The following PTPRQ variants were observed in gnomAD, a reference collection of about 807,000 sequenced individuals.
PTPRQ encodes the protein phosphatidylinositol phosphatase PTPRQ.
Under a neutral mutation model 246.0 loss-of-function variants are expected in PTPRQ, and 199 were observed. The observed-to-expected ratio is 0.81, with a 90% CI of 0.72 to 0.91. The LOEUF (loss-of-function observed/expected upper bound fraction) is 0.91, where lower values mean the gene tolerates loss of function less well. PTPRQ is among the 40% of genes least tolerant of loss of function. PTPRQ has a pLI of 0.00. For synonymous variants in PTPRQ, 869 were observed against 853.2 expected, an observed-to-expected ratio of 1.02 and a Z score of -0.32; for missense variants, 2,624 against 2,528.4, an observed-to-expected ratio of 1.04 and a Z score of -0.81.
At chr12:80,474,319 A>G (rs1893745663) in intron 8 of PTPRQ, among the ~76,000 whole-genome samples, 1 of 152,192 alleles carries the variant, frequency 6.6e-6, no homozygotes, top group Non-Finnish European at 1.5e-5. Flanking sequence ...TCTATCATCT[A>G]TTTAAAAAAT....
At chr12:80,641,620 C>T (rs142400074) in intron 35 of PTPRQ, among the ~76,000 whole-genome samples, 4 of 152,248 alleles carry the variant, frequency 2.6e-5, no homozygotes, top group African/African-American at 9.6e-5. Flanking sequence ...AATACATTTC[C>T]TTCAGAGGAC....
At chr12:80,594,528 G>A (rs929893228) in intron 26 of PTPRQ, among the ~76,000 whole-genome samples, 15 of 152,106 alleles carry the variant, frequency 9.9e-5, no homozygotes, top group African/African-American at 3.4e-4. Context: ...CTCTAGGCCC[G>A]AATATTGAAG....
intron 3 of PTPRQ, among the ~76,000 whole-genome samples, chr12:80,450,178 T>G (rs1459840141): frequency 6.6e-6 from 1 of 152,118 alleles, no homozygotes; most frequent in Non-Finnish European, 1.5e-5. Flanking sequence ...GCTCTCTGTT[T>G]GTCTGTTATT....
At chr12:80,604,921 C>A in intron 26 of PTPRQ, 138 bp from the exon 27 acceptor site, 1 of 898,328 alleles carries the variant, frequency 1.1e-6, no homozygotes, top group Non-Finnish European at 1.5e-6. Flanking sequence ...ATGCCTTTAG[C>A]ACTCTGTGAA....
At chr12:80,506,790 G>A (rs989515143) in intron 16 of PTPRQ, 120 bp downstream of exon 16, 5 of 701,742 alleles carry the variant, frequency 7.1e-6, no homozygotes, top group Non-Finnish European at 1.1e-5. Flanking sequence ...TACCATACCA[G>A]CGTTATACAG....
At chr12:80,645,415 T>C (rs1478969792) in intron 35 of PTPRQ, among the ~76,000 whole-genome samples, 1 of 152,058 alleles carries the variant, frequency 6.6e-6, no homozygotes, top group Non-Finnish European at 1.5e-5. Context: ...AATTCAGATA[T>C]TCCCTCACAA....
chr12:80,620,478 T>C, intron 32 of PTPRQ, 102 bp downstream of exon 32: 1 of 1,481,868 alleles, frequency 6.7e-7, no homozygotes, highest in Admixed American at 2.4e-5. Context: ...AAGCACTGGA[T>C]GTCCGCCACG....
At position 80,591,120 on chromosome 12, in the gene PTPRQ, C is replaced by CTTT. The variant is rs757029945; in HGVS notation, c.4609+2689_4609+2691dup. On this transcript the variant is annotated intron_variant, in intron 26 of 44. Coordinates refer to ENST00000644991, the MANE Select transcript of PTPRQ (RefSeq NM_001145026.2). ...TGTTTAGGATCTGCCTTGATCATTG[C>CTTT]TTTTTTTTTTTTTTTTTTTTTTTGC... 5.5e-3 allele frequency among the ~76,000 whole-genome samples: 422 copies of CTTT among 77,380 alleles called. 3 individuals carry two copies. The highest frequency in any genetic ancestry group is 0.012 in the Middle Eastern group (1 of 84). 50.8% of individuals were successfully genotyped at this position (77,380 alleles called of 152,430 possible).
chr12:80,669,520 T>A, intron 41 of PTPRQ, 56 bp downstream of exon 41: 1 of 1,498,172 alleles, frequency 6.7e-7, no homozygotes, highest in Non-Finnish European at 8.9e-7. Flanking sequence ...TTGATCTAAA[T>A]GTCTAAAATA....
chr12:80,445,976 A>T, intron 3 of PTPRQ, among the ~76,000 whole-genome samples: 1 of 151,992 alleles, frequency 6.6e-6, no homozygotes. Flanking sequence ...ATTTATATAC[A>T]TGTATGAATA....
In PTPRQ at chr12:80,468,858, G is replaced by T. The variant is rs1341482140; in HGVS notation, c.1039+20G>T. 1 of 1,541,538 alleles carries T rather than the reference G, an allele frequency of 6.5e-7. No homozygotes were observed. On this transcript the variant is annotated intron_variant, in intron 7 of 44. Transcript: ENST00000644991. ...CATCAGGTAAGCCTTAATTGGTTTT[G>T]TGTTTGCCTTTTGGAGTGAGAATAA... is the stretch of plus-strand genomic sequence containing the variant.
intron 14 of PTPRQ, among the ~76,000 whole-genome samples, chr12:80,496,738 C>T (rs1053528499): frequency 2.6e-5 from 4 of 152,036 alleles, no homozygotes; most frequent in Non-Finnish European, 5.9e-5. Context: ...TATAAGGGAA[C>T]TTCTAATCAA....
chr12:80,677,138 G>A (rs555639096), intron 43 of PTPRQ, among the ~76,000 whole-genome samples: 2 of 152,064 alleles, frequency 1.3e-5, no homozygotes, highest in Admixed American at 6.6e-5. Flanking sequence ...GATGAAATCA[G>A]GACAGTCAGA....
intron 3 of PTPRQ, among the ~76,000 whole-genome samples, chr12:80,452,895 G>A (rs12816407): frequency 0.081 from 12,277 of 152,176 alleles, 596 homozygotes; most frequent in East Asian, 0.21. Context: ...TGTATTTCCT[G>A]AATGTGAATG....
At chr12:80,473,735 T>C (rs372720960) in intron 8 of PTPRQ, among the ~76,000 whole-genome samples, 2 of 152,250 alleles carry the variant, frequency 1.3e-5, no homozygotes, top group East Asian at 3.8e-4. Context: ...TGCCTTAATT[T>C]CTACATTTTT....
At chr12:80,541,486 C>T in intron 20 of PTPRQ, 69 bp from the exon 21 acceptor site, 1 of 1,260,746 alleles carries the variant, frequency 7.9e-7, no homozygotes, top group Non-Finnish European at 1.0e-6. Context: ...CAATTATACT[C>T]AGTTTGTGAA....
intron 8 of PTPRQ, among the ~76,000 whole-genome samples, chr12:80,478,536 C>T (rs145331674): frequency 0.03 from 4,592 of 152,248 alleles, 258 homozygotes; most frequent in African/African-American, 0.11. Context: ...CGGAGAACGA[C>T]TTTGACGAGC....
At chr12:80,626,314 G>A (rs977817970) in intron 33 of PTPRQ, among the ~76,000 whole-genome samples, 1 of 152,110 alleles carries the variant, frequency 6.6e-6, no homozygotes, top group African/African-American at 2.4e-5. Flanking sequence ...GAGATTGTGG[G>A]TTAGTTACTT....
intron 25 of PTPRQ, among the ~76,000 whole-genome samples, chr12:80,586,449 G>A (rs1897622176): frequency 6.6e-6 from 1 of 151,206 alleles, no homozygotes; most frequent in Non-Finnish European, 1.5e-5. Flanking sequence ...CTGTTGGTGG[G>A]ACTGTAAACT....
Sources: allele counts gnomAD v4.1 joint callset (sites outside exome capture counted in the v4.1 genomes callset), GRCh38; gene constraint gnomAD v4.1.1; transcripts MANE v1.5; gene names NCBI Gene and HGNC (gene_info 2026-07-23, HGNC 2026-07-21).